FBXW8: variants seen among roughly 807,000 people sequenced by gnomAD.
The protein encoded by FBXW8 is F-box/WD repeat-containing protein 8.
Under a neutral mutation model 65.3 loss-of-function variants are expected in FBXW8, and 57 were observed. The observed-to-expected ratio is 0.87, with a 90% CI of 0.71 to 1.09. FBXW8 has a LOEUF of 1.09. FBXW8 is among the 50% of genes least tolerant of loss of function. FBXW8 has a pLI of 0.00. For missense variants in FBXW8, 777 were observed against 814.8 expected (o/e 0.95, Z 0.57); for synonymous variants, 308 against 330.2 (o/e 0.93, Z 0.73).
chr12:116,966,378 G>A lies in FBXW8; in HGVS notation c.835+1524G>A, dbSNP rs190340768. ...GCCTTTCCCTACCATTCACACACAC[G>A]AACATGCACACACATATTCTTCTAC... is the stretch of plus-strand genomic sequence containing the variant. On this transcript the variant is annotated intron_variant, in intron 5 of 10. Transcript: ENST00000652555. 6.7e-3 allele frequency among the ~76,000 whole-genome samples: 1,023 copies of A among 152,174 alleles called. 8 individuals carry two copies. Among genetic ancestry groups the A allele is most frequent in the South Asian group, 0.026 (127 of 4,814 alleles).
intron 8 of FBXW8, among the ~76,000 whole-genome samples, chr12:117,014,651 C>G (rs542040485): frequency 3.9e-5 from 6 of 152,208 alleles, no homozygotes; most frequent in Non-Finnish European, 8.8e-5. Flanking sequence ...TTCTGTTTAC[C>G]CTTTGTGGGT....
chr12:117,010,214 C>T (rs747316588), intron 7 of FBXW8, 109 bp from the exon 8 acceptor site: 33 of 1,506,450 alleles, frequency 2.2e-5, no homozygotes, highest in Admixed American at 1.1e-4. Context: ...AACATCTTCA[C>T]GGGAGCTCAG....
At chr12:116,966,837 G>A (rs1418817288) in intron 5 of FBXW8, among the ~76,000 whole-genome samples, 1 of 151,974 alleles carries the variant, frequency 6.6e-6, no homozygotes, top group African/African-American at 2.4e-5. Context: ...TCCTGCCTCA[G>A]CCTCCCGAGT....
chr12:116,912,327 A>G (rs1307230179), intron 1 of FBXW8, among the ~76,000 whole-genome samples: 1 of 151,978 alleles, frequency 6.6e-6, no homozygotes, highest in Admixed American at 6.6e-5. Context: ...AGCTGGGACT[A>G]CACGCATGCG....
intron 5 of FBXW8, among the ~76,000 whole-genome samples, chr12:116,965,806 T>A (rs1257659352): frequency 6.6e-6 from 1 of 152,142 alleles, no homozygotes; most frequent in Admixed American, 6.5e-5. Context: ...TTGCCCTGGC[T>A]AGAGTGCAGT....
chr12:117,019,751 G>T (rs955724320), intron 8 of FBXW8, among the ~76,000 whole-genome samples: 1 of 152,048 alleles, frequency 6.6e-6, no homozygotes, highest in African/African-American at 2.4e-5. Context: ...AAGGCCTCCC[G>T]GTCATGAATG....
intron 9 of FBXW8, 33 bp downstream of exon 9, chr12:117,024,353 C>T (rs772462895): frequency 6.2e-7 from 1 of 1,611,770 alleles, no homozygotes; most frequent in Non-Finnish European, 8.5e-7. Context: ...TTGGGAGTTC[C>T]TAGTAGGAAC....
intron 8 of FBXW8, among the ~76,000 whole-genome samples, chr12:117,023,170 G>A (rs934898309): frequency 6.6e-5 from 10 of 152,254 alleles, no homozygotes; most frequent in African/African-American, 2.4e-4. Context: ...ACGTGTGTGC[G>A]CATGCTTGCA....
At chr12:116,929,961 A>C (rs1251526966) in intron 2 of FBXW8, among the ~76,000 whole-genome samples, 1 of 152,078 alleles carries the variant, frequency 6.6e-6, no homozygotes, top group Non-Finnish European at 1.5e-5. Flanking sequence ...GGCTTATTTC[A>C]CTTAACATAA....
intron 7 of FBXW8, among the ~76,000 whole-genome samples, chr12:117,005,859 G>T (rs1272461363): frequency 2.0e-5 from 3 of 152,234 alleles, no homozygotes; most frequent in African/African-American, 7.2e-5. Flanking sequence ...GATCAGAAAA[G>T]AAAGTGGGTA....
At chr12:116,990,514 G>A (rs569441306) in intron 7 of FBXW8, among the ~76,000 whole-genome samples, 8 of 152,174 alleles carry the variant, frequency 5.3e-5, no homozygotes, top group Non-Finnish European at 1.0e-4. Flanking sequence ...TTTTCATCTG[G>A]TATGCTTTCA....
chr12:116,995,144 A>G (rs952295719), intron 7 of FBXW8, among the ~76,000 whole-genome samples: 34 of 152,226 alleles, frequency 2.2e-4, no homozygotes, highest in African/African-American at 7.7e-4. Flanking sequence ...GACTTCATCT[A>G]GAATCAGTGT....
At chr12:116,989,378 T>C (rs549512250) in intron 7 of FBXW8, among the ~76,000 whole-genome samples, 2 of 152,330 alleles carry the variant, frequency 1.3e-5, no homozygotes, top group African/African-American at 2.4e-5. Flanking sequence ...AATGCTACAA[T>C]GCATATTGCA....
intron 4 of FBXW8, among the ~76,000 whole-genome samples, chr12:116,958,509 T>C (rs1883790190): frequency 6.6e-6 from 1 of 152,246 alleles, no homozygotes; most frequent in Non-Finnish European, 1.5e-5. Flanking sequence ...GTCAGTAGAT[T>C]CATTCATTCC....
intron 4 of FBXW8, among the ~76,000 whole-genome samples, chr12:116,960,999 C>T (rs1304020517): frequency 6.6e-6 from 1 of 152,006 alleles, no homozygotes; most frequent in Non-Finnish European, 1.5e-5. Flanking sequence ...AACATTGATG[C>T]CTGGTTCTAT....
intron 1 of FBXW8, among the ~76,000 whole-genome samples, chr12:116,913,498 A>G (rs1416496258): frequency 2.0e-5 from 3 of 152,238 alleles, no homozygotes; most frequent in Non-Finnish European, 4.4e-5. Context: ...GCATTATAAT[A>G]AAGTAAGCTA....
chr12:116,987,383 A>T (rs1565928431), intron 6 of FBXW8: 1 of 152,270 alleles, frequency 6.6e-6, no homozygotes, highest in Non-Finnish European at 1.5e-5. Flanking sequence ...TGCGAACGGC[A>T]CCGCGGAGAA....
chr12:116,953,216 C>G (rs1364112439), intron 4 of FBXW8, among the ~76,000 whole-genome samples: 1 of 152,146 alleles, frequency 6.6e-6, no homozygotes, highest in Non-Finnish European at 1.5e-5. Flanking sequence ...TCTTAGTTTT[C>G]TCAGTTTAGA....
chr12:116,927,645 G>A (rs1162845518), intron 1 of FBXW8, among the ~76,000 whole-genome samples: 1 of 152,128 alleles, frequency 6.6e-6, no homozygotes, highest in Non-Finnish European at 1.5e-5. Flanking sequence ...TCACTTTCTT[G>A]GCCGCCTGCT....
Sources: allele counts gnomAD v4.1 joint callset (sites outside exome capture counted in the v4.1 genomes callset), GRCh38; gene constraint gnomAD v4.1.1; transcripts MANE v1.5; gene names NCBI Gene and HGNC (gene_info 2026-07-23, HGNC 2026-07-21).